Variants in VEPH1 observed in about 807,000 individuals in gnomAD.
VEPH1 encodes the protein ventricular zone expressed PH domain containing 1.
In VEPH1, 80 loss-of-function variants were observed where a neutral mutation model predicts 85.2. The observed-to-expected ratio is 0.94, with a 90% CI of 0.78 to 1.13. The LOEUF (loss-of-function observed/expected upper bound fraction) is 1.13, where lower values mean the gene tolerates loss of function less well. Ranked by LOEUF, VEPH1 falls within the 50% of genes most tolerant of loss-of-function variation. The pLI, the probability that VEPH1 is intolerant of heterozygous loss-of-function variation, is 0.00. For missense variants in VEPH1, 955 were observed against 980.5 expected (o/e 0.97, Z 0.35); for synonymous variants, 297 against 348.0 (o/e 0.85, Z 1.63).
At chr3:157,359,199 A>C (rs971796755) in intron 9 of VEPH1, among the ~76,000 whole-genome samples, 3 of 152,220 alleles carry the variant, frequency 2.0e-5, no homozygotes, top group African/African-American at 7.2e-5. Flanking sequence ...TTCTTTATAG[A>C]ACTTCAGTTA....
At chr3:157,374,620 G>A (rs1409671449) in intron 7 of VEPH1, among the ~76,000 whole-genome samples, 1 of 152,242 alleles carries the variant, frequency 6.6e-6, no homozygotes, top group Admixed American at 6.5e-5. Context: ...CTCCAGGCCA[G>A]GATGGCATGT....
intron 4 of VEPH1, among the ~76,000 whole-genome samples, chr3:157,445,113 G>A (rs990453126): frequency 6.6e-6 from 1 of 152,108 alleles, no homozygotes; most frequent in African/African-American, 2.4e-5. Flanking sequence ...ATATGGTAAT[G>A]GGCTGGAATT....
At chr3:157,315,999 C>G (rs995723465) in intron 10 of VEPH1, 1 of 151,980 alleles carries the variant, frequency 6.6e-6, no homozygotes, top group Non-Finnish European at 1.5e-5. Flanking sequence ...GAGTTGTTCT[C>G]TATGAGATGT....
chr3:157,325,528 G>T (rs1271921898), intron 9 of VEPH1, among the ~76,000 whole-genome samples: 2 of 152,172 alleles, frequency 1.3e-5, no homozygotes, highest in Non-Finnish European at 2.9e-5. Context: ...AAGGTGTAAG[G>T]AAGGGGTCCA....
chr3:157,311,297 T>C (rs1720081352), intron 11 of VEPH1, among the ~76,000 whole-genome samples: 1 of 152,226 alleles, frequency 6.6e-6, no homozygotes, highest in South Asian at 2.1e-4. Context: ...GTTTCTTCCT[T>C]CTTTCTTGTG....
At position 157,435,677 on chromosome 3, in the gene VEPH1, ATTG is replaced by A. The variant is rs1235311600; in HGVS notation, c.530-7192_530-7190del. Among the ~76,000 whole-genome samples, 3 of 152,146 alleles carry A rather than the reference ATTG, an allele frequency of 2.0e-5. No individual in the cohort carries two copies. The East Asian group carries it at 5.8e-4, about 29-fold the overall frequency. On this transcript the variant is annotated intron_variant, in intron 4 of 13. Transcript: ENST00000362010. ...AGGGGCCCTAGCATCAGCTCATGGGATTGTTGTTTTTGCTTTCCTCTCTATCTT... is the reference window on the plus strand; with the variant it reads ...AGGGGCCCTAGCATCAGCTCATGGGATTGTTTTTGCTTTCCTCTCTATCTT...
At chr3:157,277,995 C>G (rs1040413804) in intron 12 of VEPH1, among the ~76,000 whole-genome samples, 1 of 152,124 alleles carries the variant, frequency 6.6e-6, no homozygotes, top group Non-Finnish European at 1.5e-5. Context: ...AAGACACTAA[C>G]TTTGGCCATT....
chr3:157,356,031 C>T lies in VEPH1; in HGVS notation c.1735+7333G>A, dbSNP rs1412465250. On this transcript the variant is annotated intron_variant, in intron 9 of 13. Coordinates refer to ENST00000362010, the MANE Select transcript of VEPH1 (RefSeq NM_001167912.2). Reference sequence around the variant, plus strand: ...TCTCTCACCTCAGCCTCCCAAGCAGCTGGGACTACAAGTGCACATCATGGC... The same window carrying T: ...TCTCTCACCTCAGCCTCCCAAGCAGTTGGGACTACAAGTGCACATCATGGC... Among the ~76,000 whole-genome samples the T allele has an allele frequency of 4.6e-5, 7 of 151,858 alleles. No individual in the cohort carries two copies. The East Asian group carries it at 1.4e-3, about 29-fold the overall frequency.
intron 7 of VEPH1, among the ~76,000 whole-genome samples, chr3:157,376,686 CACTT>C (rs1194237926): frequency 6.6e-6 from 1 of 152,192 alleles, no homozygotes; most frequent in Non-Finnish European, 1.5e-5. Flanking sequence ...TAACAAAACT[CACTT>C]AATTTATTCA....
chr3:157,359,800 T>C (rs762584999), intron 9 of VEPH1, among the ~76,000 whole-genome samples: 2 of 152,240 alleles, frequency 1.3e-5, no homozygotes, highest in Non-Finnish European at 2.9e-5. Flanking sequence ...AACAGTCTAA[T>C]GTCAGTTTTT....
At chr3:157,330,244 A>G (rs1469969004) in intron 9 of VEPH1, among the ~76,000 whole-genome samples, 2 of 152,218 alleles carry the variant, frequency 1.3e-5, no homozygotes, top group African/African-American at 2.4e-5. Context: ...TCTATAGTCA[A>G]TTTTTCTGCT....
intron 6 of VEPH1, among the ~76,000 whole-genome samples, chr3:157,405,651 C>A (rs1179609166): frequency 2.0e-5 from 3 of 152,244 alleles, no homozygotes; most frequent in East Asian, 3.9e-4. Context: ...GCGGTGACTT[C>A]CCCATGGATA....
intron 7 of VEPH1, among the ~76,000 whole-genome samples, chr3:157,369,152 ATAACAACAACAAC>A (rs1727098847): frequency 6.8e-6 from 1 of 147,094 alleles, no homozygotes; most frequent in Non-Finnish European, 1.5e-5. Flanking sequence ...AAACAAACAA[ATAACAACAACAAC>A]AACAAAAACC....
At chr3:157,298,893 T>C (rs1251340755) in intron 11 of VEPH1, among the ~76,000 whole-genome samples, 1 of 152,204 alleles carries the variant, frequency 6.6e-6, no homozygotes, top group Non-Finnish European at 1.5e-5. Flanking sequence ...ACATGCAACT[T>C]TCAGGATTCT....
rs944920682 is a variant in VEPH1 at position 157,460,190 on chromosome 3, T to C, written c.520A>G (p.Ile174Val). 9 of 1,614,100 alleles carry C rather than the reference T, an allele frequency of 5.6e-6. No homozygotes were observed. In the African/African-American group the frequency reaches 1.2e-4, roughly 22 times the overall value. Reference protein sequence around the residue: ...ADHTEVIVKSILQGNTMLLRV... With the variant: ...ADHTEVIVKSVLQGNTMLLRV... ...AACTTTCGCACCATACCTTGGAGTA[T>C]GCTCTTTACTATAACTTCCGTGTGA... Residue 174 changes from isoleucine to valine, a missense_variant, in exon 4 of 14, where the codon ATA becomes GTA. By Grantham distance (29) the Ile-to-Val change is conservative. Coordinates refer to ENST00000362010, the MANE Select transcript of VEPH1 (RefSeq NM_001167912.2).
At chr3:157,496,897 T>C (rs1285501780) in intron 1 of VEPH1, among the ~76,000 whole-genome samples, 1 of 152,360 alleles carries the variant, frequency 6.6e-6, no homozygotes, top group Non-Finnish European at 1.5e-5. Context: ...TACCAGCTTT[T>C]GAAAAATGAA....
intron 9 of VEPH1, among the ~76,000 whole-genome samples, chr3:157,331,456 G>A (rs1007950407): frequency 2.4e-4 from 36 of 152,150 alleles, no homozygotes; most frequent in African/African-American, 8.2e-4. Context: ...ATGCCTTGTG[G>A]CCAAGACTCT....
intron 6 of VEPH1, among the ~76,000 whole-genome samples, chr3:157,401,241 A>G (rs1333480111): frequency 2.0e-5 from 3 of 152,286 alleles, no homozygotes; most frequent in African/African-American, 7.2e-5. Flanking sequence ...GTCCAAAAAG[A>G]AAGAAAATAG....
At chr3:157,414,493 C>CAAAATGGAGAAAT (rs1731747582) in intron 5 of VEPH1, among the ~76,000 whole-genome samples, 3 of 151,886 alleles carry the variant, frequency 2.0e-5, no homozygotes, top group Admixed American at 1.3e-4. Context: ...TCAAAGCCTT[C>CAAAATGGAGAAAT]AAAATGGAGA....
Sources: allele counts gnomAD v4.1 joint callset (sites outside exome capture counted in the v4.1 genomes callset), GRCh38; gene constraint gnomAD v4.1.1; transcripts MANE v1.5; gene names NCBI Gene and HGNC (gene_info 2026-07-23, HGNC 2026-07-21).